Variants in CRACR2A observed in about 807,000 individuals in gnomAD.
CRACR2A encodes EF-hand calcium-binding domain-containing protein 4B.
Under a neutral mutation model 90.5 loss-of-function variants are expected in CRACR2A, and 79 were observed. That is an observed-to-expected ratio of 0.87 (90% CI 0.73 to 1.05). The LOEUF is 1.05. Among genes scored for constraint, CRACR2A ranks in the 50% least tolerant of loss-of-function variants. The pLI, the probability that CRACR2A is intolerant of heterozygous loss-of-function variation, is 0.00. For missense variants in CRACR2A, 823 were observed against 897.2 expected, an observed-to-expected ratio of 0.92 and a Z score of 1.06; for synonymous variants, 338 against 356.7, an observed-to-expected ratio of 0.95 and a Z score of 0.59.
chr12:3,705,427 C>T (rs1945900883), intron 3 of CRACR2A, among the ~76,000 whole-genome samples: 1 of 152,198 alleles, frequency 6.6e-6, no homozygotes, highest in Non-Finnish European at 1.5e-5. Context: ...ATCTAGAGAA[C>T]AGCTGGTATC....
At chr12:3,703,250 A>G (rs1391781572) in intron 3 of CRACR2A, among the ~76,000 whole-genome samples, 3 of 152,074 alleles carry the variant, frequency 2.0e-5, no homozygotes, top group Non-Finnish European at 4.4e-5. Context: ...CACCACGCCC[A>G]GCTAATTTTT....
intron 8 of CRACR2A, among the ~76,000 whole-genome samples, chr12:3,658,777 C>G (rs1339885070): frequency 6.6e-6 from 1 of 151,746 alleles, no homozygotes; most frequent in Non-Finnish European, 1.5e-5. Flanking sequence ...GAGAACTCAC[C>G]AAGTAGATAG....
chr12:3,626,828 A>C (rs1162110982), intron 17 of CRACR2A, among the ~76,000 whole-genome samples: 1 of 152,230 alleles, frequency 6.6e-6, no homozygotes, highest in Non-Finnish European at 1.5e-5. Flanking sequence ...AGAGTCTCCC[A>C]GATAATTCAG....
chr12:3,673,474 T>G lies in CRACR2A; in HGVS notation c.643A>C (p.Lys215Gln). Residue 215 changes from lysine to glutamine, a missense_variant, in exon 7 of 20, where the codon AAG becomes CAG. Transcript: ENST00000440314. ...TTTAGGGCACACTCCAGTTCATTCT[T>G]CTCCTCATGGGCTTCTTGGAGCTGG... Reference protein sequence around the residue: ...ISQLQEAHEEKNELECALKRK... With the variant: ...ISQLQEAHEEQNELECALKRK... 2.5e-6 allele frequency: 4 copies of G among 1,614,036 alleles called. No homozygotes were observed. The highest frequency in any genetic ancestry group is 3.4e-6 in the Non-Finnish European group (4 of 1,179,986).
At chr12:3,615,491 G>C (rs1232620388) in intron 19 of CRACR2A, 52 bp from the exon 20 acceptor site, 8 of 1,468,622 alleles carry the variant, frequency 5.4e-6, no homozygotes, top group Non-Finnish European at 7.4e-6. Flanking sequence ...ATAGGCCCAG[G>C]GGCTGGCAAC....
At position 3,678,996 on chromosome 12, in the gene CRACR2A, T is replaced by A. The variant is rs138027181; in HGVS notation, c.443A>T (p.Asp148Val). Residue 148 changes from aspartate (D) to valine (V), a missense_variant, in exon 6 of 20, where the codon GAT becomes GTT. Physicochemically the swap from Asp to Val is radical, Grantham distance 152. Coordinates refer to ENST00000440314, the MANE Select transcript of CRACR2A (RefSeq NM_001144958.2). ...CTCATCTTCGCCCATGTCGCCCAGA[T>A]CCTCATCCCCTCTGGACAGATACAC... ...EKVYLSRGDE[D>V]LGDMGEDEEA... The A allele has an allele frequency of 1.4e-4, 226 of 1,614,020 alleles. No homozygotes were observed. Among genetic ancestry groups the A allele is most frequent in the Non-Finnish European group, 1.8e-4 (210 of 1,180,018 alleles).
chr12:3,745,373 A>C (rs4766168), intron 1 of CRACR2A, among the ~76,000 whole-genome samples: 150,449 of 152,222 alleles, frequency 0.99, 74,377 homozygotes, highest in Middle Eastern at 1. Flanking sequence ...TCCTCCCTCA[A>C]TCCCACCGTG....
chr12:3,648,294 G>C, intron 11 of CRACR2A: 1 of 1,422,720 alleles, frequency 7.0e-7, no homozygotes, highest in Non-Finnish European at 9.2e-7. Context: ...GAGGGACTCA[G>C]AGGAGTGGGG....
chr12:3,673,290 A>G (rs55825408), intron 7 of CRACR2A, among the ~76,000 whole-genome samples, 156 bp downstream of exon 7: 22,436 of 152,188 alleles, frequency 0.15, 1,819 homozygotes, highest in South Asian at 0.26. Context: ...TTAAAAATAC[A>G]TATATCGTGA....
At chr12:3,748,565 A>G (rs1946657781) in intron 1 of CRACR2A, among the ~76,000 whole-genome samples, 1 of 152,186 alleles carries the variant, frequency 6.6e-6, no homozygotes, top group Non-Finnish European at 1.5e-5. Context: ...GAGGCCCTGG[A>G]GATAACTTTG....
intron 15 of CRACR2A, among the ~76,000 whole-genome samples, chr12:3,629,431 G>A (rs1247049983): frequency 2.6e-5 from 4 of 152,222 alleles, no homozygotes; most frequent in African/African-American, 7.2e-5. Flanking sequence ...GGGCTGTCCC[G>A]GTCTGTGCTC....
intron 5 of CRACR2A, among the ~76,000 whole-genome samples, chr12:3,679,519 A>C (rs191951382): frequency 6.6e-6 from 1 of 152,204 alleles, no homozygotes; most frequent in Non-Finnish European, 1.5e-5. Flanking sequence ...TCACATCTAC[A>C]AGCTCCTTAA....
At chr12:3,652,447 AG>A (rs1316529042) in intron 10 of CRACR2A, among the ~76,000 whole-genome samples, 1 of 152,026 alleles carries the variant, frequency 6.6e-6, no homozygotes, top group Non-Finnish European at 1.5e-5. Context: ...GCTACTTGGG[AG>A]TTTTTTTGTT....
At chr12:3,631,599 G>A (rs2060515620) in intron 15 of CRACR2A, among the ~76,000 whole-genome samples, 1 of 152,222 alleles carries the variant, frequency 6.6e-6, no homozygotes, top group African/African-American at 2.4e-5. Flanking sequence ...GCTCTTCTGA[G>A]CTTGGTTTGC....
rs7310631 is a variant in CRACR2A at position 3,659,736 on chromosome 12, C to T, written c.672-82G>A. The T allele has an allele frequency of 2.3e-3, 2,554 of 1,112,612 alleles. 42 individuals carry two copies. In the African/African-American group the frequency reaches 0.035, roughly 15 times the overall value. 68.9% of individuals were successfully genotyped at this position (1,112,612 alleles called of 1,614,324 possible). A position where few individuals can be genotyped will look rare whatever the true frequency, so the allele number is the denominator to read the frequency against. The stretch of plus-strand genomic sequence containing the variant: ...CTCCTGGAGCTCAGACACCAGTTCC[C>T]CAACTCTGGAGCTGTGGGTGTGGGG... On this transcript the variant is annotated intron_variant, in intron 7 of 19. Coordinates refer to ENST00000440314, the MANE Select transcript of CRACR2A (RefSeq NM_001144958.2).
intron 1 of CRACR2A, among the ~76,000 whole-genome samples, chr12:3,739,930 C>CAAAAAAAA (rs11406842): frequency 6.9e-6 from 1 of 144,260 alleles, no homozygotes; most frequent in Non-Finnish European, 1.5e-5. Flanking sequence ...GACTCCGTCT[C>CAAAAAAAA]AAAAAAAAAA....
intron 3 of CRACR2A, 34 bp from the exon 4 acceptor site, chr12:3,697,069 TG>T: frequency 6.5e-7 from 1 of 1,528,008 alleles, no homozygotes. Flanking sequence ...GAAGTGGGTG[TG>T]GTGGGTTGGA....
chr12:3,732,401 T>C (rs533383752), intron 2 of CRACR2A: 2 of 152,482 alleles, frequency 1.3e-5, no homozygotes, highest in South Asian at 4.1e-4. Flanking sequence ...GAAGTCACTC[T>C]TAACTAAATT....
Position 3,707,999 on chromosome 12 carries a change from C to T in CRACR2A, c.-37+5238G>A, listed in dbSNP as rs930774926. 2.6e-5 allele frequency among the ~76,000 whole-genome samples: 4 copies of T among 152,244 alleles called. No homozygotes were observed. In the East Asian group the frequency reaches 5.8e-4, roughly 22 times the overall value. Reference sequence around the variant, plus strand: ...GTGATGTATCTGGACAAAGTCGGGGCTGCAGATCCGTTATCAAGGTGGTAT... The same window carrying T: ...GTGATGTATCTGGACAAAGTCGGGGTTGCAGATCCGTTATCAAGGTGGTAT... On this transcript the variant is annotated intron_variant, in intron 3 of 19. Transcript: ENST00000440314.
Sources: allele counts gnomAD v4.1 joint callset (sites outside exome capture counted in the v4.1 genomes callset), GRCh38; gene constraint gnomAD v4.1.1; transcripts MANE v1.5; gene names NCBI Gene and HGNC (gene_info 2026-07-23, HGNC 2026-07-21).